LSAMP: variants seen among roughly 807,000 people sequenced by gnomAD.
LSAMP encodes the protein limbic system associated membrane protein.
Under a neutral mutation model 38.6 loss-of-function variants are expected in LSAMP, and 7 were observed. The observed-to-expected ratio is 0.18, with a 90% confidence interval of 0.10 to 0.34. LSAMP has a LOEUF of 0.34. LSAMP is among the 10% of genes least tolerant of loss of function. The probability of loss-of-function intolerance (pLI) is 1.00; values close to 1 mark genes in which losing one functional copy is unlikely to be tolerated. For missense variants in LSAMP, 313 were observed against 420.0 expected, an observed-to-expected ratio of 0.75 and a Z score of 2.23; for synonymous variants, 154 against 166.8, an observed-to-expected ratio of 0.92 and a Z score of 0.59.
At chr3:115,990,343 C>T (rs960472772) in intron 3 of LSAMP, among the ~76,000 whole-genome samples, 1 of 152,076 alleles carries the variant, frequency 6.6e-6, no homozygotes, top group African/African-American at 2.4e-5. Context: ...GCCCAAGAGC[C>T]CTTATTCTGA....
At chr3:116,127,695 ATT>A (rs67470158) in intron 1 of LSAMP, among the ~76,000 whole-genome samples, 2,067 of 96,512 alleles carry the variant, frequency 0.021, 21 homozygotes, top group African/African-American at 0.043. Context: ...GTGTTTGTTC[ATT>A]TTTTTTTTTT....
chr3:116,172,392 C>T (rs1402127228), intron 1 of LSAMP, among the ~76,000 whole-genome samples: 4 of 151,388 alleles, frequency 2.6e-5, no homozygotes, highest in Admixed American at 2.6e-4. Context: ...AGTTCTTTTA[C>T]CGTAATTGTC....
chr3:116,078,314 T>A (rs1707794088), intron 2 of LSAMP, among the ~76,000 whole-genome samples: 1 of 150,898 alleles, frequency 6.6e-6, no homozygotes. Context: ...TTACTTTATT[T>A]TATTTTATTT....
At chr3:115,887,626 A>T (rs1936489420) in intron 3 of LSAMP, among the ~76,000 whole-genome samples, 1 of 151,928 alleles carries the variant, frequency 6.6e-6, no homozygotes, top group Non-Finnish European at 1.5e-5. Flanking sequence ...TAAGATGTGG[A>T]TTAAACATTT....
intron 1 of LSAMP, among the ~76,000 whole-genome samples, chr3:116,344,315 C>T (rs1335805619): frequency 2.6e-5 from 4 of 151,930 alleles, no homozygotes; most frequent in Non-Finnish European, 5.9e-5. Flanking sequence ...TGCAAATAAC[C>T]CAGAAATCCG....
intron 1 of LSAMP, among the ~76,000 whole-genome samples, chr3:116,215,165 GAAAT>G: frequency 6.6e-6 from 1 of 152,244 alleles, no homozygotes; most frequent in East Asian, 1.9e-4. Context: ...TAAGGAAAAC[GAAAT>G]AAATAAACAA....
At chr3:116,191,718 T>C (rs1380109609) in intron 1 of LSAMP, among the ~76,000 whole-genome samples, 2 of 152,100 alleles carry the variant, frequency 1.3e-5, no homozygotes, top group East Asian at 1.9e-4. Flanking sequence ...CATTCCTGCA[T>C]GGTATTCCTG....
intron 2 of LSAMP, among the ~76,000 whole-genome samples, chr3:116,030,042 C>T (rs1036725586): frequency 2.6e-5 from 4 of 152,248 alleles, no homozygotes; most frequent in African/African-American, 7.2e-5. Flanking sequence ...AGAAATGTTA[C>T]GTAGCTCATT....
intron 1 of LSAMP, among the ~76,000 whole-genome samples, chr3:116,204,397 T>G (rs2046034529): frequency 6.6e-6 from 1 of 152,204 alleles, no homozygotes; most frequent in Admixed American, 6.5e-5. Context: ...CAGAAGCTCT[T>G]TAGTTTAATT....
intron 1 of LSAMP, among the ~76,000 whole-genome samples, chr3:116,252,088 T>C (rs529109224): frequency 1.6e-4 from 24 of 152,340 alleles, no homozygotes; most frequent in African/African-American, 5.8e-4. Flanking sequence ...CTCCTCTCAC[T>C]GTTGGCTAGA....
At chr3:116,303,375 G>GCTAA (rs1333219016) in intron 1 of LSAMP, among the ~76,000 whole-genome samples, 1 of 152,146 alleles carries the variant, frequency 6.6e-6, no homozygotes, top group Non-Finnish European at 1.5e-5. Flanking sequence ...AAAAGGACTG[G>GCTAA]CTAACTTGGT....
At chr3:116,142,997 C>T (rs1709406771) in intron 1 of LSAMP, among the ~76,000 whole-genome samples, 1 of 149,158 alleles carries the variant, frequency 6.7e-6, no homozygotes, top group Non-Finnish European at 1.5e-5. Context: ...TAGTTATATA[C>T]AATATAACTT....
At chr3:116,268,387 C>T (rs1478458627) in intron 1 of LSAMP, among the ~76,000 whole-genome samples, 1 of 151,858 alleles carries the variant, frequency 6.6e-6, no homozygotes, top group African/African-American at 2.4e-5. Context: ...CATACCCTAT[C>T]CTTCATGTAA....
intron 1 of LSAMP, among the ~76,000 whole-genome samples, chr3:116,268,422 T>G (rs1277604121): frequency 1.3e-5 from 2 of 152,146 alleles, no homozygotes; most frequent in Non-Finnish European, 2.9e-5. Flanking sequence ...TTTTTGCATC[T>G]TCTTTCTTTC....
chr3:116,147,557 C>G (rs1389217821), intron 1 of LSAMP, among the ~76,000 whole-genome samples: 2 of 151,948 alleles, frequency 1.3e-5, no homozygotes, highest in African/African-American at 4.8e-5. Context: ...TTCTCACAAT[C>G]AAGTTAGCAA....
intron 2 of LSAMP, 34 bp downstream of exon 2, chr3:116,086,290 T>G: frequency 6.5e-7 from 1 of 1,545,684 alleles, no homozygotes; most frequent in Non-Finnish European, 8.9e-7. Context: ...TCCCACCTCT[T>G]TCTTACCACC....
intron 1 of LSAMP, among the ~76,000 whole-genome samples, chr3:116,327,160 A>G (rs1328290810): frequency 6.6e-6 from 1 of 152,160 alleles, no homozygotes; most frequent in Non-Finnish European, 1.5e-5. Context: ...GAGATGTTAC[A>G]TTTCCAATAA....
At chr3:116,424,945 C>T (rs573678372) in intron 1 of LSAMP, among the ~76,000 whole-genome samples, 1 of 150,418 alleles carries the variant, frequency 6.6e-6, no homozygotes, top group African/African-American at 2.5e-5. Context: ...GAGGTATCTG[C>T]ATTACTCTTA....
intron 3 of LSAMP, among the ~76,000 whole-genome samples, chr3:115,921,509 T>C (rs939688516): frequency 6.6e-6 from 1 of 152,090 alleles, no homozygotes; most frequent in Non-Finnish European, 1.5e-5. Context: ...ATAGCATTAT[T>C]CATTAATGTA....
Sources: gnomAD v4.1 joint callset for allele counts (sites outside exome capture counted in the v4.1 genomes callset) on GRCh38, gnomAD v4.1.1 for gene constraint, MANE v1.5 for transcripts, NCBI Gene and HGNC (gene_info 2026-07-23, HGNC 2026-07-21) for gene names.